Variants in TAMM41 observed in about 807,000 individuals in gnomAD.
TAMM41 encodes the protein TAM41 mitochondrial translocator assembly and maintenance homolog, also known as phosphatidate cytidylyltransferase, mitochondrial.
A neutral mutation model predicts 44.1 loss-of-function variants in TAMM41; 36 were observed. The ratio of observed to expected loss-of-function variants is 0.82; its 90% CI spans 0.63 to 1.08. The LOEUF is 1.08. Ranked by LOEUF, TAMM41 falls within the 50% of genes least tolerant of loss-of-function variation. The pLI is 0.00. For synonymous variants in TAMM41, 164 were observed against 153.1 expected (o/e 1.07, Z -0.53); for missense variants, 417 against 404.3 (o/e 1.03, Z -0.27).
chr3:11,813,826 A>ATGTGTGTGTGTG (rs769715029), intron 5 of TAMM41, among the ~76,000 whole-genome samples: 2 of 114,012 alleles, frequency 1.8e-5, no homozygotes, highest in Non-Finnish European at 3.6e-5. Context: ...GGGTACAAAT[A>ATGTGTGTGTGTG]TATGTGTGTG....
At chr3:11,767,652 G>A in the TAMM41 span, among the ~76,000 whole-genome samples, 1 of 9,716 alleles carries the variant, frequency 1.0e-4, no homozygotes, top group Admixed American at 5.2e-4. Flanking sequence ...TTGAGACAGA[G>A]TCTTGCTCTT....
intron 4 of TAMM41, among the ~76,000 whole-genome samples, chr3:11,827,437 G>C (rs958049742): frequency 1.3e-5 from 2 of 151,666 alleles, no homozygotes; most frequent in East Asian, 3.9e-4. Flanking sequence ...AACCTCGCAA[G>C]TAGCTGGGAT....
intron 3 of TAMM41, among the ~76,000 whole-genome samples, chr3:11,831,278 C>T (rs1575694238): frequency 6.6e-6 from 1 of 152,150 alleles, no homozygotes; most frequent in South Asian, 2.1e-4. Flanking sequence ...GAAAAATGTA[C>T]ATTTCTAACA....
the TAMM41 span, among the ~76,000 whole-genome samples, chr3:11,767,870 G>T: frequency 6.6e-6 from 1 of 150,954 alleles, no homozygotes; most frequent in Non-Finnish European, 1.5e-5. Context: ...TGATCCGCCC[G>T]CCTCGGCCTC....
the TAMM41 span, among the ~76,000 whole-genome samples, chr3:11,773,451 C>G: frequency 6.6e-6 from 1 of 152,028 alleles, no homozygotes. Flanking sequence ...GAACTCCTGG[C>G]CTCAAACAGT....
chr3:11,807,852 C>T lies in TAMM41; in HGVS notation c.918G>A (p.Thr306=), dbSNP rs780001306. 1.0e-5 allele frequency: 16 copies of T among 1,536,060 alleles called. No individual in the cohort carries two copies. The East Asian group carries it at 1.2e-4, about 12-fold the overall frequency. ...TCTTACCAGCAGTAAAAATGCCTTT[C>T]GTGCTCTGTCTTATACTAGACGGTC... ...IVRPSSIRQS[T]KGIFTAGLKK... is the part of the protein sequence containing the mutation. Residue 306 remains threonine (T), a synonymous_variant, in exon 7 of 8, where the codon ACG becomes ACA. Transcript: ENST00000455809.
At chr3:11,763,016 C>T in the TAMM41 span, among the ~76,000 whole-genome samples, 1 of 152,288 alleles carries the variant, frequency 6.6e-6, no homozygotes, top group East Asian at 1.9e-4. Context: ...CTAGCCGGGG[C>T]AACAAGAGTG....
At chr3:11,761,136 C>T in the TAMM41 span, among the ~76,000 whole-genome samples, 1 of 150,788 alleles carries the variant, frequency 6.6e-6, no homozygotes, top group African/African-American at 2.4e-5. Flanking sequence ...CCACTGCACT[C>T]CAGCTTGGGT....
the TAMM41 span, among the ~76,000 whole-genome samples, chr3:11,723,691 A>G: frequency 1.3e-5 from 2 of 152,352 alleles, no homozygotes; most frequent in East Asian, 3.9e-4. Context: ...TTAAAGTGGT[A>G]CATTTTGTAT....
At chr3:11,830,817 GT>G (rs2078956057) in intron 3 of TAMM41, 1 of 150,702 alleles carries the variant, frequency 6.6e-6, no homozygotes, top group Non-Finnish European at 1.5e-5. Flanking sequence ...GCTGCAGTGG[GT>G]TGCAGTGAGC....
chr3:11,754,946 T>A, the TAMM41 span, among the ~76,000 whole-genome samples: 1 of 151,980 alleles, frequency 6.6e-6, no homozygotes, highest in Non-Finnish European at 1.5e-5. Context: ...GTGATCCACC[T>A]GCCTCGGCCT....
the TAMM41 span, among the ~76,000 whole-genome samples, chr3:11,732,623 T>C: frequency 1.3e-5 from 2 of 152,090 alleles, no homozygotes; most frequent in African/African-American, 4.8e-5. Flanking sequence ...AAATACAGGG[T>C]GACGGGTTGT....
At chr3:11,823,826 C>CG (rs2078629176) in intron 4 of TAMM41, among the ~76,000 whole-genome samples, 1 of 92,660 alleles carries the variant, frequency 1.1e-5, no homozygotes, top group African/African-American at 4.9e-5. Context: ...CCACCATGCC[C>CG]GGCTTTTTTT....
At chr3:11,736,800 C>A in the TAMM41 span, among the ~76,000 whole-genome samples, 18 of 152,148 alleles carry the variant, frequency 1.2e-4, no homozygotes, top group Admixed American at 6.5e-4. Context: ...TCCCAAGTGT[C>A]TGGCCACTCT....
At chr3:11,830,881 CA>C (rs10664269) in intron 3 of TAMM41, 133 of 138,576 alleles carry the variant, frequency 9.6e-4, no homozygotes, top group Middle Eastern at 4.0e-3. Context: ...GACCCTGTCT[CA>C]AAAAAAAAAA....
the TAMM41 span, among the ~76,000 whole-genome samples, chr3:11,766,583 T>C: frequency 4.6e-5 from 7 of 152,138 alleles, no homozygotes; most frequent in Non-Finnish European, 8.8e-5. Context: ...ATTTTTATTT[T>C]TTGAGACAGA....
chr3:11,737,114 C>T, the TAMM41 span, among the ~76,000 whole-genome samples: 1 of 152,030 alleles, frequency 6.6e-6, no homozygotes, highest in South Asian at 2.1e-4. Context: ...GCCTTCCCAT[C>T]TGTTCTTCAG....
chr3:11,787,326 A>G (rs937237610), downstream of TAMM41, among the ~76,000 whole-genome samples: 11 of 152,210 alleles, frequency 7.2e-5, no homozygotes, highest in Non-Finnish European at 1.2e-4. Flanking sequence ...ATTTGTGAAC[A>G]TATTTTGAAA....
At chr3:11,799,954 G>A (rs1220682447) in intron 7 of TAMM41, among the ~76,000 whole-genome samples, 1 of 152,022 alleles carries the variant, frequency 6.6e-6, no homozygotes, top group Non-Finnish European at 1.5e-5. Flanking sequence ...AGTGCTGAAG[G>A]AAAAAAACCC....
Sources: gnomAD v4.1 joint callset for allele counts (sites outside exome capture counted in the v4.1 genomes callset) on GRCh38, gnomAD v4.1.1 for gene constraint, MANE v1.5 for transcripts, NCBI Gene and HGNC (gene_info 2026-07-23, HGNC 2026-07-21) for gene names.